The following FGF13 variants were observed in gnomAD, a reference collection of about 807,000 sequenced individuals.
The protein encoded by FGF13 is fibroblast growth factor 13.
In FGF13, 2 loss-of-function variants were observed where a neutral mutation model predicts 19.5. The ratio of observed to expected loss-of-function variants is 0.10; its 90% CI spans 0.04 to 0.32. The LOEUF (loss-of-function observed/expected upper bound fraction) is 0.32. FGF13 is among the 10% of genes least tolerant of loss of function. The probability of loss-of-function intolerance (pLI) is 1.00; values close to 1 mark genes in which losing one functional copy is unlikely to be tolerated. For missense variants in FGF13, 113 were observed against 192.7 expected, an observed-to-expected ratio of 0.59 and a Z score of 2.45; for synonymous variants, 72 against 76.9, an observed-to-expected ratio of 0.94 and a Z score of 0.33.
chrX:138,953,886 T>TAA (rs201116693), intron 1 of FGF13, among the ~76,000 whole-genome samples: 1 of 106,053 alleles, frequency 9.4e-6, no homozygotes, highest in African/African-American at 3.4e-5. Context: ...CAACATGTGG[T>TAA]AAAAAAAAAA....
intron 1 of FGF13, among the ~76,000 whole-genome samples, chrX:138,967,115 T>G (rs190071117): frequency 3.6e-5 from 4 of 110,432 alleles, no homozygotes. Context: ...GAGAACAGAC[T>G]AATACAACCC....
At chrX:138,856,150 T>C (rs1207922833), downstream of FGF13, among the ~76,000 whole-genome samples, 2 of 111,865 alleles carry the variant, frequency 1.8e-5, no homozygotes, top group African/African-American at 6.5e-5. Context: ...TTACTCACTG[T>C]AAAAGTTCAC....
chrX:138,679,388 A>AT (rs1442083611), intron 3 of FGF13, among the ~76,000 whole-genome samples: 5 of 110,940 alleles, frequency 4.5e-5, no homozygotes, highest in Admixed American at 1.9e-4. Context: ...CCCATACTCC[A>AT]TTTTTTATTA....
At chrX:139,007,626 A>C (rs1041178946) in intron 1 of FGF13, among the ~76,000 whole-genome samples, 4 of 112,539 alleles carry the variant, frequency 3.6e-5, no homozygotes, top group East Asian at 5.6e-4. Flanking sequence ...ACATTCAAAA[A>C]ATTGAAATAA....
Position 139,072,276 on chromosome X carries a change from T to TCTACACACACACACAC in FGF13, c.-113+131139_-113+131140insGTGTGTGTGTGTGTAG, listed in dbSNP as rs762528325. 2.5e-3 allele frequency among the ~76,000 whole-genome samples: 248 copies of TCTACACACACACACAC among 99,073 alleles called. 1 individual carries two copies. Among genetic ancestry groups the TCTACACACACACACAC allele is most frequent in the African/African-American group, 8.7e-3 (234 of 27,001 alleles). The allele number at this position is 99,073 out of a possible 115,157, so 86.0% of individuals were successfully genotyped here. On this transcript the variant is annotated intron_variant, in intron 1 of 2. Transcript: ENST00000421460. ...TCAGAAATATCTCTCTCTCTCTCTC[T>TCTACACACACACACAC]ACACACACACACACACACACACACA...
intron 1 of FGF13, among the ~76,000 whole-genome samples, chrX:138,921,547 T>C (rs1291299153): frequency 8.9e-6 from 1 of 111,760 alleles, no homozygotes; most frequent in Admixed American, 9.5e-5. Flanking sequence ...CCTGTCACTA[T>C]TACTTCCAAC....
intron 3 of FGF13, among the ~76,000 whole-genome samples, chrX:138,831,134 G>A (rs2091070205): frequency 9.0e-6 from 1 of 111,703 alleles, no homozygotes; most frequent in Non-Finnish European, 1.9e-5. Flanking sequence ...GCATCCATGT[G>A]ACGCTAATTG....
intron 3 of FGF13, among the ~76,000 whole-genome samples, chrX:138,820,628 T>C (rs763321074): frequency 1.2e-4 from 13 of 112,076 alleles, no homozygotes; most frequent in Admixed American, 2.9e-4. Flanking sequence ...TGCTCTGAGC[T>C]CACAGACTAG....
At chrX:139,072,272 T>TA (rs1312297084) in intron 1 of FGF13, among the ~76,000 whole-genome samples, 1 of 103,077 alleles carries the variant, frequency 9.7e-6, no homozygotes, top group African/African-American at 3.8e-5. Flanking sequence ...TCTCTCTCTC[T>TA]CTCTACACAC....
At position 138,619,022 on chromosome X, in the gene FGF13, C is replaced by T. The variant is rs898387989; in HGVS notation, c.*13828G>A. The T allele has an allele frequency of 3.6e-5, 4 of 109,719 alleles. No individual in the cohort carries two copies. The South Asian group carries it at 1.6e-3, about 44-fold the overall frequency. 9.0% of individuals were successfully genotyped at this position (109,719 alleles called of 1,213,427 possible). On this transcript the variant is annotated 3_prime_UTR_variant, in exon 5 of 5. Coordinates refer to ENST00000315930, the MANE Select transcript of FGF13 (RefSeq NM_004114.5). Reference sequence around the variant, plus strand: ...GGCAACACGAGATTTCAAGGAACACCTGCCAAAAACAACACAAAAATAATA... The same window carrying T: ...GGCAACACGAGATTTCAAGGAACACTTGCCAAAAACAACACAAAAATAATA...
intron 3 of FGF13, among the ~76,000 whole-genome samples, chrX:138,777,752 G>T (rs1208718388): frequency 9.0e-6 from 1 of 111,429 alleles, no homozygotes; most frequent in Non-Finnish European, 1.9e-5. Flanking sequence ...CACAAAGTAG[G>T]CCAGAACCTT....
intron 1 of FGF13, among the ~76,000 whole-genome samples, chrX:139,181,394 T>A (rs920568734): frequency 8.9e-6 from 1 of 112,713 alleles, no homozygotes. Context: ...AGTTGCCTCT[T>A]CTCTTCACTT....
chrX:138,769,417 T>C (rs1602815701), intron 3 of FGF13, among the ~76,000 whole-genome samples: 1 of 111,849 alleles, frequency 8.9e-6, no homozygotes, highest in African/African-American at 3.2e-5. Context: ...TTGTTATAAA[T>C]GAGTTGGGTT....
At chrX:138,636,603 G>A (rs1042931366) in intron 3 of FGF13, among the ~76,000 whole-genome samples, 2 of 112,170 alleles carry the variant, frequency 1.8e-5, no homozygotes, top group African/African-American at 6.5e-5. Context: ...GAATGTATAA[G>A]TAATCCATAG....
At chrX:138,837,176 G>C (rs1312004220) in intron 3 of FGF13, among the ~76,000 whole-genome samples, 3 of 112,700 alleles carry the variant, frequency 2.7e-5, no homozygotes, top group South Asian at 7.2e-4. Flanking sequence ...TTAAAAAGTA[G>C]CCTGGCCACA....
chrX:139,196,277 G>C (rs756973240), intron 1 of FGF13, among the ~76,000 whole-genome samples: 39 of 112,185 alleles, frequency 3.5e-4, no homozygotes, highest in Non-Finnish European at 6.0e-4. Context: ...GCAAAAGAAA[G>C]TACCATTGTT....
chrX:138,970,519 C>T (rs777163496), intron 1 of FGF13, among the ~76,000 whole-genome samples: 1 of 111,410 alleles, frequency 9.0e-6, no homozygotes, highest in Non-Finnish European at 1.9e-5. Context: ...TTCAGACGCT[C>T]CTAAAAACAG....
At chrX:138,972,482 G>A (rs1234340950) in intron 1 of FGF13, among the ~76,000 whole-genome samples, 1 of 106,356 alleles carries the variant, frequency 9.4e-6, no homozygotes, top group African/African-American at 3.5e-5. Flanking sequence ...TCAGCCTTCC[G>A]AGTAGCTGGG....
At chrX:138,642,292 A>G (rs749058669) in intron 3 of FGF13, among the ~76,000 whole-genome samples, 1 of 111,673 alleles carries the variant, frequency 9.0e-6, no homozygotes, top group South Asian at 3.8e-4. Flanking sequence ...AACAATACTT[A>G]AGCAAAAATA....
Sources: allele counts gnomAD v4.1 joint callset (sites outside exome capture counted in the v4.1 genomes callset), GRCh38; gene constraint gnomAD v4.1.1; transcripts MANE v1.5; gene names NCBI Gene and HGNC (gene_info 2026-07-23, HGNC 2026-07-21).